Variants in SATB2 observed in about 807,000 individuals in gnomAD.
The protein encoded by SATB2 is DNA-binding protein SATB2.
Under a neutral mutation model 73.4 loss-of-function variants are expected in SATB2, and 1 was observed. The ratio of observed to expected loss-of-function variants is 0.01; its 90% CI spans 0.00 to 0.06. The LOEUF (loss-of-function observed/expected upper bound fraction) is 0.06. Among genes scored for constraint, SATB2 ranks in the 10% least tolerant of loss-of-function variants. SATB2 has a pLI of 1.00. For missense variants in SATB2, 459 were observed against 945.8 expected (o/e 0.49, Z 6.75); for synonymous variants, 397 against 367.0 (o/e 1.08, Z -0.93).
chr2:199,299,549 C>T (rs887082145), intron 10 of SATB2, among the ~76,000 whole-genome samples: 6 of 151,978 alleles, frequency 3.9e-5, no homozygotes, highest in African/African-American at 1.5e-4. Context: ...TAGAATAATG[C>T]AAGGTAGCCA....
At chr2:199,331,532 T>C (rs567070020) in intron 7 of SATB2, among the ~76,000 whole-genome samples, 2 of 152,168 alleles carry the variant, frequency 1.3e-5, no homozygotes, top group Non-Finnish European at 2.9e-5. Flanking sequence ...AAAACTCTCA[T>C]ATGTGTAGCT....
At chr2:199,290,534 C>T (rs1692826126) in intron 10 of SATB2, among the ~76,000 whole-genome samples, 1 of 152,140 alleles carries the variant, frequency 6.6e-6, no homozygotes, top group Non-Finnish European at 1.5e-5. Flanking sequence ...TGTAGGCACT[C>T]ACTAAAAATA....
intron 10 of SATB2, among the ~76,000 whole-genome samples, chr2:199,301,563 T>C (rs560528893): frequency 2.0e-5 from 3 of 152,304 alleles, no homozygotes; most frequent in African/African-American, 7.2e-5. Context: ...AGATGACTGA[T>C]TGGAAATTGA....
intron 2 of SATB2, among the ~76,000 whole-genome samples, chr2:199,446,501 CTTTCT>C (rs1052276648): frequency 1.3e-5 from 2 of 151,998 alleles, no homozygotes; most frequent in Non-Finnish European, 2.9e-5. Context: ...AACCAAAACA[CTTTCT>C]TTTAATTGTA....
In SATB2 at chr2:199,270,984, A is replaced by G. The variant is rs1015963454; in HGVS notation, c.*1227T>C. ...AGAGGAAGCCCAAAGTGAAGCAGAA[A>G]TCAGAAATGTCTTTTGGGAGAGGGA... On this transcript the variant is annotated 3_prime_UTR_variant, in exon 11 of 11. Coordinates refer to ENST00000417098, the MANE Select transcript of SATB2 (RefSeq NM_001172509.2). 6.6e-6 allele frequency: 1 copy of G among 152,372 alleles called. No homozygotes were observed. The highest frequency in any genetic ancestry group is 6.5e-5 in the Admixed American group (1 of 15,278). 9.4% of individuals were successfully genotyped at this position (152,372 alleles called of 1,614,324 possible).
chr2:199,456,399 G>C (rs1350476799), intron 1 of SATB2, among the ~76,000 whole-genome samples: 1 of 152,248 alleles, frequency 6.6e-6, no homozygotes, highest in Non-Finnish European at 1.5e-5. Context: ...CATTGGGACG[G>C]GGTTGGCATA....
At position 199,455,916 on chromosome 2, in the gene SATB2, A is replaced by T; in HGVS notation, c.122T>A (p.Met41Lys). ...VARLEQNGSP[M>K]GARGRPNGAV... ...GCCGTTGGGCCTCCCGCGGGCTCCC[A>T]TGGGGCTGCCGTTCTGCTCCAGCCG... is the stretch of plus-strand genomic sequence containing the variant. Residue 41 changes from methionine (M) to lysine (K), a missense_variant, in exon 2 of 11, where the codon ATG (methionine) becomes AAG (lysine). Physicochemically the swap from Met to Lys is moderately conservative, Grantham distance 95. Coordinates refer to ENST00000417098, the MANE Select transcript of SATB2 (RefSeq NM_001172509.2). This position sits in a 1 kb window ranked among gnomAD's most constrained non-coding sequence, Gnocchi z 4.1. 6.5e-7 allele frequency: 1 copy of T among 1,538,300 alleles called. No homozygotes were observed. The highest frequency in any genetic ancestry group is 8.7e-7 in the Non-Finnish European group (1 of 1,148,114).
intron 2 of SATB2, among the ~76,000 whole-genome samples, chr2:199,435,755 T>C (rs1691635466): frequency 6.6e-6 from 1 of 152,202 alleles, no homozygotes; most frequent in Non-Finnish European, 1.5e-5. Context: ...ACAAGTCTGA[T>C]ATCACTCCTG....
At position 199,308,740 on chromosome 2, in the gene SATB2, C is replaced by A; in HGVS notation, c.1740+20G>T. ...CACAGAGCCCTGATCAGGTGGGGTA[C>A]GGCGGTCGGGGACACTGACCTGCAC... On this transcript the variant is annotated intron_variant, in intron 10 of 10. Transcript: ENST00000417098. The surrounding 1 kb of genome is among the most constrained non-coding windows in gnomAD (Gnocchi z 4.6). 6.2e-7 allele frequency: 1 copy of A among 1,609,554 alleles called. No homozygotes were observed. Among genetic ancestry groups the A allele is most frequent in the South Asian group, 1.1e-5 (1 of 90,928 alleles).
chr2:199,327,556 T>A (rs973372865), intron 8 of SATB2, among the ~76,000 whole-genome samples: 1 of 152,110 alleles, frequency 6.6e-6, no homozygotes, highest in Non-Finnish European at 1.5e-5. Flanking sequence ...CATAAATCTA[T>A]CGAGTAGTAA....
intron 10 of SATB2, among the ~76,000 whole-genome samples, chr2:199,295,766 G>C (rs2105749118): frequency 6.6e-6 from 1 of 152,164 alleles, no homozygotes; most frequent in South Asian, 2.1e-4. Flanking sequence ...ATATCAAAAG[G>C]TGAAGGGTTA....
Position 199,272,264 on chromosome 2 carries a change from C to T in SATB2, c.2149G>A (p.Glu717Lys). 1 of 1,614,194 alleles carries T rather than the reference C, an allele frequency of 6.2e-7. No homozygotes were observed. The highest frequency in any genetic ancestry group is 1.1e-5 in the South Asian group (1 of 91,086). Residue 717 changes from glutamate to lysine, a missense_variant, in exon 11 of 11, where the codon GAG becomes AAG. Physicochemically the swap from Glu to Lys is moderately conservative, Grantham distance 56. This residue lies in a region of SATB2 where 41 missense variants were observed against 38.6 expected (regional missense o/e 1.06). Coordinates refer to ENST00000417098, the MANE Select transcript of SATB2 (RefSeq NM_001172509.2). This position sits in a 1 kb window ranked among gnomAD's most constrained non-coding sequence, Gnocchi z 6.7. ...GCCTTGCTTTTGTCAGCATTTTCCT[C>T]CTCAGCCTCCACTTTGTACATCTCC... Reference protein sequence around the residue: ...SEEMYKVEAEEENADKSKAAP... With the variant: ...SEEMYKVEAEKENADKSKAAP...
intron 10 of SATB2, among the ~76,000 whole-genome samples, chr2:199,293,426 T>A (rs1161981577): frequency 3.3e-5 from 5 of 152,126 alleles, no homozygotes; most frequent in African/African-American, 1.2e-4. Context: ...AGGTATCGAA[T>A]GTTTGACTTG....
At chr2:199,413,825 G>A (rs1467505035) in intron 3 of SATB2, among the ~76,000 whole-genome samples, 2 of 152,066 alleles carry the variant, frequency 1.3e-5, no homozygotes, top group East Asian at 1.9e-4. Context: ...GATGCCAGAA[G>A]ATAGCCAGAG....
At chr2:199,393,690 A>C (rs1690215353) in intron 3 of SATB2, among the ~76,000 whole-genome samples, 1 of 152,200 alleles carries the variant, frequency 6.6e-6, no homozygotes, top group Non-Finnish European at 1.5e-5. Flanking sequence ...AAATAAAGTC[A>C]ACATTGAATT....
intron 10 of SATB2, among the ~76,000 whole-genome samples, chr2:199,281,702 T>C (rs1009735281): frequency 6.6e-6 from 1 of 152,098 alleles, no homozygotes; most frequent in African/African-American, 2.4e-5. Context: ...ACAATTAATT[T>C]TGGCCCAAAC....
chr2:199,416,707 C>T lies in SATB2; in HGVS notation c.346+16631G>A, dbSNP rs542601334. 4.6e-5 allele frequency among the ~76,000 whole-genome samples: 7 copies of T among 152,256 alleles called. No homozygotes were observed. In the East Asian group the frequency reaches 1.4e-3, roughly 29 times the overall value. On this transcript the variant is annotated intron_variant, in intron 3 of 10. Coordinates refer to ENST00000417098, the MANE Select transcript of SATB2 (RefSeq NM_001172509.2). ...ATGTCATTTCTTACTGCCTTGTTTA[C>T]AGGCTAATTTCATTATGCTGGAACA...
intron 2 of SATB2, 117 bp from the exon 3 acceptor site, chr2:199,433,631 A>C (rs898691730): frequency 1.9e-5 from 18 of 931,204 alleles, no homozygotes; most frequent in African/African-American, 3.2e-5. Flanking sequence ...ACAGTGGTTT[A>C]GATTAAACAA....
At chr2:199,288,359 C>T (rs531665995) in intron 10 of SATB2, among the ~76,000 whole-genome samples, 9 of 152,306 alleles carry the variant, frequency 5.9e-5, no homozygotes, top group African/African-American at 2.2e-4. Flanking sequence ...GACATCACAA[C>T]TGAAGTGTTT....
Sources: allele counts gnomAD v4.1 joint callset (sites outside exome capture counted in the v4.1 genomes callset), GRCh38; gene constraint gnomAD v4.1.1; regional missense constraint gnomAD v4.1.1; non-coding constraint Gnocchi (gnomAD v3.1); transcripts MANE v1.5; gene names NCBI Gene and HGNC (gene_info 2026-07-23, HGNC 2026-07-21).